TSPAN9: variants seen among roughly 807,000 people sequenced by gnomAD.
The protein encoded by TSPAN9 is tetraspanin-9.
A neutral mutation model predicts 31.0 loss-of-function variants in TSPAN9; 16 were observed. The ratio of observed to expected loss-of-function variants is 0.52; its 90% CI spans 0.35 to 0.78. TSPAN9 has a LOEUF of 0.78. TSPAN9 is among the 30% of genes least tolerant of loss of function. The probability of loss-of-function intolerance (pLI) is 0.01; values close to 1 mark genes in which losing one functional copy is unlikely to be tolerated. For synonymous variants in TSPAN9, 145 were observed against 121.6 expected (o/e 1.19, Z -1.27); for missense variants, 272 against 312.5 (o/e 0.87, Z 0.98).
At chr12:3,200,999 C>T (rs1012525619) in intron 2 of TSPAN9, 178 bp from the exon 3 acceptor site, 11 of 596,236 alleles carry the variant, frequency 1.8e-5, no homozygotes, top group Non-Finnish European at 3.0e-5. Context: ...CTTTGCCAAG[C>T]CGTCCACCTC....
intron 2 of TSPAN9, among the ~76,000 whole-genome samples, chr12:3,100,213 G>A (rs1161124552): frequency 6.6e-6 from 1 of 152,144 alleles, no homozygotes; most frequent in Non-Finnish European, 1.5e-5. Context: ...ACAGATTGTT[G>A]GGCCTGTTGC....
chr12:3,124,569 C>T lies in TSPAN9; in HGVS notation c.-18+40850C>T, dbSNP rs140434554. Among the ~76,000 whole-genome samples, 88 of 151,704 alleles carry T rather than the reference C, an allele frequency of 5.8e-4. No individual in the cohort carries two copies. The East Asian group carries it at 6.8e-3, about 12-fold the overall frequency. On this transcript the variant is annotated intron_variant, in intron 2 of 8. Coordinates refer to ENST00000011898, the MANE Select transcript of TSPAN9 (RefSeq NM_006675.5). ...ATTACAGGCATGCACAACCAACACG[C>T]GTGGCTAATTTTGGATTTTTAGTAG...
chr12:3,257,199 C>G (rs540155541), intron 3 of TSPAN9, among the ~76,000 whole-genome samples: 13 of 151,830 alleles, frequency 8.6e-5, no homozygotes, highest in Middle Eastern at 3.4e-3. Flanking sequence ...TGACATCTCG[C>G]CAGTTCTGCA....
chr12:3,213,289 A>C (rs2098379709), intron 3 of TSPAN9, among the ~76,000 whole-genome samples: 1 of 152,156 alleles, frequency 6.6e-6, no homozygotes, highest in African/African-American at 2.4e-5. Flanking sequence ...TGTTCTCTGT[A>C]CAGTGAGGGC....
At chr12:3,159,586 GC>G (rs1250492846) in intron 2 of TSPAN9, among the ~76,000 whole-genome samples, 2 of 152,128 alleles carry the variant, frequency 1.3e-5, no homozygotes, top group East Asian at 3.9e-4. Context: ...GATATTAGGG[GC>G]CTGGCACCAT....
chr12:3,089,369 T>G (rs1224543088), intron 2 of TSPAN9, among the ~76,000 whole-genome samples: 4 of 143,730 alleles, frequency 2.8e-5, no homozygotes, highest in African/African-American at 1.0e-4. Context: ...TGATCTTGGC[T>G]CACTGCAACC....
rs2098335730 is a variant in TSPAN9, at chr12:3,143,279, A to C, written c.-17-57898A>C. Among the ~76,000 whole-genome samples the C allele has an allele frequency of 6.7e-6, 1 of 148,484 alleles. No individual in the cohort carries two copies. The highest frequency in any genetic ancestry group is 1.5e-5 in the Non-Finnish European group (1 of 67,306). ...ATAGTTATATTAATCATAATTAATA[A>C]TATTTATAATTATATTAATTATAAT... On this transcript the variant is annotated intron_variant, in intron 2 of 8. Coordinates refer to ENST00000011898, the MANE Select transcript of TSPAN9 (RefSeq NM_006675.5). This position sits in a 1 kb window ranked among gnomAD's most constrained non-coding sequence, Gnocchi z 4.2.
At chr12:3,154,319 A>G (rs563362414) in intron 2 of TSPAN9, among the ~76,000 whole-genome samples, 127 of 152,230 alleles carry the variant, frequency 8.3e-4, no homozygotes, top group African/African-American at 2.9e-3. Flanking sequence ...TTTTTATCCT[A>G]TCTCCAGCTT....
Position 3,282,575 on chromosome 12 carries a change from T to C in TSPAN9, c.649-470T>C, listed in dbSNP as rs1591725156. On this transcript the variant is annotated intron_variant, in intron 8 of 8. Coordinates refer to ENST00000011898, the MANE Select transcript of TSPAN9 (RefSeq NM_006675.5). ...CATACCTGAATGATTTACAACTTTT[T>C]TCCAAAAACAGATGGAGTCTCCCTC... Among the ~76,000 whole-genome samples, 4 of 152,198 alleles carry C rather than the reference T, an allele frequency of 2.6e-5. 1 individual carries two copies.
intron 3 of TSPAN9, among the ~76,000 whole-genome samples, chr12:3,275,451 G>A (rs892109464): frequency 2.0e-5 from 3 of 152,310 alleles, no homozygotes; most frequent in Non-Finnish European, 2.9e-5. Flanking sequence ...GGCTTTTAGA[G>A]CCATAAATCT....
At chr12:3,109,800 A>AC (rs2098317421) in intron 2 of TSPAN9, among the ~76,000 whole-genome samples, 1 of 135,802 alleles carries the variant, frequency 7.4e-6, no homozygotes, top group Non-Finnish European at 1.7e-5. Context: ...CTCTGTCTCA[A>AC]AAAAAAAAAA....
chr12:3,209,392 T>A (rs921780653), intron 3 of TSPAN9, among the ~76,000 whole-genome samples: 29 of 152,318 alleles, frequency 1.9e-4, no homozygotes, highest in Admixed American at 1.8e-3. Context: ...AACATTTGGG[T>A]TATTTCCTCC....
At chr12:3,122,439 T>G (rs1261408846) in intron 2 of TSPAN9, among the ~76,000 whole-genome samples, 1 of 152,028 alleles carries the variant, frequency 6.6e-6, no homozygotes, top group South Asian at 2.1e-4. Context: ...CACACCACCA[T>G]GCTTGGCAAA....
chr12:3,259,607 C>T (rs1862411352), intron 3 of TSPAN9, among the ~76,000 whole-genome samples: 2 of 152,152 alleles, frequency 1.3e-5, no homozygotes, highest in South Asian at 4.1e-4. Context: ...GGAAAGGAAG[C>T]AAGGAAAACT....
chr12:3,251,229 C>T (rs1054109412), intron 3 of TSPAN9, among the ~76,000 whole-genome samples: 18 of 152,200 alleles, frequency 1.2e-4, no homozygotes, highest in African/African-American at 4.3e-4. Flanking sequence ...CAGAGACCTC[C>T]TCCATGACTA....
intron 3 of TSPAN9, among the ~76,000 whole-genome samples, chr12:3,202,784 C>T (rs1265595970): frequency 1.3e-5 from 2 of 152,140 alleles, no homozygotes; most frequent in Non-Finnish European, 2.9e-5. Context: ...TTGGGCCCTC[C>T]AGCCACCCTA....
rs2098315428 is a variant in TSPAN9 at position 3,107,845 on chromosome 12, C to G, written c.-18+24126C>G. Reference sequence around the variant, plus strand: ...ATTCATTTTTTCCTGGCTTGAGTTTCAAATGTCAACTGGGACTCTTGTCTC... The same window carrying G: ...ATTCATTTTTTCCTGGCTTGAGTTTGAAATGTCAACTGGGACTCTTGTCTC... On this transcript the variant is annotated intron_variant, in intron 2 of 8. Transcript: ENST00000011898. The surrounding 1 kb of genome is among the most constrained non-coding windows in gnomAD (Gnocchi z 4.1). Among the ~76,000 whole-genome samples the G allele has an allele frequency of 6.6e-6, 1 of 152,212 alleles. No individual in the cohort carries two copies. The highest frequency in any genetic ancestry group is 2.4e-5 in the African/African-American group (1 of 41,456).
chr12:3,133,429 A>G (rs1264837771), intron 2 of TSPAN9, among the ~76,000 whole-genome samples: 3 of 152,182 alleles, frequency 2.0e-5, no homozygotes, highest in Admixed American at 6.5e-5. Flanking sequence ...TAAAAGTATC[A>G]GTAAAATGTG....
intron 2 of TSPAN9, among the ~76,000 whole-genome samples, chr12:3,179,409 A>G (rs938404929): frequency 2.0e-5 from 3 of 152,258 alleles, no homozygotes; most frequent in South Asian, 4.2e-4. Context: ...TTTTAAGCCC[A>G]TTCCTCTCAT....
Sources: gnomAD v4.1 joint callset for allele counts (sites outside exome capture counted in the v4.1 genomes callset) on GRCh38, gnomAD v4.1.1 for gene constraint, Gnocchi (gnomAD v3.1) non-coding constraint, MANE v1.5 for transcripts, NCBI Gene and HGNC (gene_info 2026-07-23, HGNC 2026-07-21) for gene names.